Variants in PGBD2 observed in about 807,000 individuals in gnomAD.
The protein encoded by PGBD2 is piggyBac transposable element derived 2.
In PGBD2, 6 loss-of-function variants were observed where a neutral mutation model predicts 8.1. The observed-to-expected ratio is 0.74, with a 90% CI of 0.40 to 1.46. The LOEUF (loss-of-function observed/expected upper bound fraction) is 1.46, where lower values mean the gene tolerates loss of function less well. Among genes scored for constraint, PGBD2 ranks in the 40% most tolerant of loss-of-function variants. The probability of loss-of-function intolerance (pLI) is 0.02; values close to 1 mark genes in which losing one functional copy is unlikely to be tolerated. For synonymous variants in PGBD2, 318 were observed against 272.2 expected, an observed-to-expected ratio of 1.17 and a Z score of -1.66; for missense variants, 802 against 739.0, an observed-to-expected ratio of 1.09 and a Z score of -0.99.
chr1:248,882,132 T>C, the PGBD2 span, among the ~76,000 whole-genome samples: 1 of 152,138 alleles, frequency 6.6e-6, no homozygotes, highest in Non-Finnish European at 1.5e-5. Context: ...TGAGAAATAA[T>C]AGACACACAC....
At chr1:248,877,207 G>T in the PGBD2 span, among the ~76,000 whole-genome samples, 1 of 152,098 alleles carries the variant, frequency 6.6e-6, no homozygotes, top group Admixed American at 6.5e-5. Context: ...ATTAGGAATT[G>T]GTGTGGTTTT....
chr1:248,874,298 G>C, the PGBD2 span, among the ~76,000 whole-genome samples: 8 of 152,148 alleles, frequency 5.3e-5, no homozygotes, highest in Admixed American at 2.6e-4. Flanking sequence ...CCGCGGCCCG[G>C]GTTCGATTCC....
At chr1:248,891,835 A>C in the PGBD2 span, among the ~76,000 whole-genome samples, 340 of 152,330 alleles carry the variant, frequency 2.2e-3, no homozygotes, top group African/African-American at 7.7e-3. Context: ...TTAAAAAAGA[A>C]AAAAAAGTGT....
At chr1:248,875,888 TTAAA>T in the PGBD2 span, among the ~76,000 whole-genome samples, 14 of 152,352 alleles carry the variant, frequency 9.2e-5, no homozygotes, top group African/African-American at 3.1e-4. Flanking sequence ...AGAAATTTTC[TTAAA>T]TAATATTTAT....
At chr1:248,879,986 C>G in the PGBD2 span, among the ~76,000 whole-genome samples, 1 of 152,100 alleles carries the variant, frequency 6.6e-6, no homozygotes, top group African/African-American at 2.4e-5. Flanking sequence ...TCATTTGACT[C>G]CTTCAGGATT....
chr1:248,930,090 C>G, the PGBD2 span, among the ~76,000 whole-genome samples: 5 of 152,334 alleles, frequency 3.3e-5, no homozygotes, highest in East Asian at 9.6e-4. Flanking sequence ...ATGGGCTTTA[C>G]TTTCACATGT....
At chr1:248,911,550 T>C (rs1572274681) in intron 1 of PGBD2, among the ~76,000 whole-genome samples, 2 of 145,678 alleles carry the variant, frequency 1.4e-5, no homozygotes, top group East Asian at 3.9e-4. Context: ...ATCCGATTTC[T>C]CAATCTTTTC....
At chr1:248,905,220 A>G (rs748162239), upstream of PGBD2, among the ~76,000 whole-genome samples, 1 of 152,130 alleles carries the variant, frequency 6.6e-6, no homozygotes, top group Non-Finnish European at 1.5e-5. Flanking sequence ...TTTGGAACAC[A>G]CTTTACAGTG....
chr1:248,901,273 CT>C (rs747758710), upstream of PGBD2, among the ~76,000 whole-genome samples: 77 of 151,986 alleles, frequency 5.1e-4, 1 homozygote, highest in South Asian at 6.2e-3. Flanking sequence ...AAAAAAAGTC[CT>C]AATAGCCAAG....
chr1:248,913,003 T>C (rs958013413), intron 1 of PGBD2, among the ~76,000 whole-genome samples: 4 of 152,056 alleles, frequency 2.6e-5, no homozygotes, highest in Non-Finnish European at 5.9e-5. Flanking sequence ...GGTTTCTCCA[T>C]GTTGGTCAGG....
chr1:248,878,236 G>A, the PGBD2 span, among the ~76,000 whole-genome samples: 5 of 151,792 alleles, frequency 3.3e-5, no homozygotes, highest in Admixed American at 6.6e-5. Context: ...CTGGAGTGCA[G>A]GGGCGCAATC....
chr1:248,897,460 G>A, the PGBD2 span, among the ~76,000 whole-genome samples: 2 of 152,048 alleles, frequency 1.3e-5, no homozygotes, highest in Non-Finnish European at 2.9e-5. Flanking sequence ...GCCTTGCTGA[G>A]TAAATTAAAT....
At position 248,918,164 on chromosome 1, in the gene PGBD2, G is replaced by A. The variant is rs1214183794; in HGVS notation, c.1580G>A (p.Ser527Asn). ...TACATTGCCTGTGTGTATCTGGAGA[G>A]CAATGCTGACACAACATCTCAAGGG... is the stretch of plus-strand genomic sequence containing the variant. ...RRYIACVYLE[S>N]NADTTSQGRR... is the part of the protein sequence containing the mutation. Residue 527 changes from serine (S) to asparagine (N), a missense_variant, in exon 3 of 3, where the codon AGC (serine) becomes AAC (asparagine). Transcript: ENST00000329291. 1.9e-6 allele frequency: 3 copies of A among 1,614,106 alleles called. No individual in the cohort carries two copies. The highest frequency in any genetic ancestry group is 2.5e-6 in the Non-Finnish European group (3 of 1,180,048).
intron 1 of PGBD2, among the ~76,000 whole-genome samples, chr1:248,907,069 G>A (rs7544246): frequency 0.43 from 65,984 of 151,988 alleles, 19,762 homozygotes; most frequent in African/African-American, 0.84. Flanking sequence ...CACCAGCACC[G>A]GTCTCTGAGT....
upstream of PGBD2, among the ~76,000 whole-genome samples, chr1:248,905,166 G>C (rs564884017): frequency 2.0e-5 from 3 of 152,324 alleles, no homozygotes; most frequent in East Asian, 5.8e-4. Flanking sequence ...CTTCACTTCA[G>C]AATCTCACAA....
At chr1:248,897,112 C>T in the PGBD2 span, among the ~76,000 whole-genome samples, 1 of 152,066 alleles carries the variant, frequency 6.6e-6, no homozygotes, top group African/African-American at 2.4e-5. Context: ...ACAATTTAGC[C>T]TAAATATTTG....
At chr1:248,911,581 A>G (rs1202271987) in intron 1 of PGBD2, among the ~76,000 whole-genome samples, 2 of 144,920 alleles carry the variant, frequency 1.4e-5, no homozygotes, top group African/African-American at 5.7e-5. Context: ...CCCCTTTTCT[A>G]TTCCACAAAG....
the PGBD2 span, among the ~76,000 whole-genome samples, chr1:248,901,014 C>A: frequency 2.0e-5 from 3 of 151,974 alleles, no homozygotes; most frequent in African/African-American, 7.3e-5. Context: ...AAATAAAATA[C>A]CTAGGAATAA....
chr1:248,884,385 G>A, the PGBD2 span, among the ~76,000 whole-genome samples: 1 of 151,918 alleles, frequency 6.6e-6, no homozygotes, highest in Non-Finnish European at 1.5e-5. Flanking sequence ...CTGTAGCCCA[G>A]GCTGGAGTGC....
Sources: allele counts gnomAD v4.1 joint callset (sites outside exome capture counted in the v4.1 genomes callset), GRCh38; gene constraint gnomAD v4.1.1; transcripts MANE v1.5; gene names NCBI Gene and HGNC (gene_info 2026-07-23, HGNC 2026-07-21).